Variants in LRMDA observed in about 807,000 individuals in gnomAD.
LRMDA encodes leucine rich melanocyte differentiation associated.
In LRMDA, 18 loss-of-function variants were observed where a neutral mutation model predicts 29.8. That is an observed-to-expected ratio of 0.60 (90% CI 0.42 to 0.90). LRMDA has a LOEUF of 0.90. Among genes scored for constraint, LRMDA ranks in the 40% least tolerant of loss-of-function variants. LRMDA has a pLI of 0.00. For synonymous variants in LRMDA, 125 were observed against 109.4 expected, an observed-to-expected ratio of 1.14 and a Z score of -0.89; for missense variants, 273 against 273.9, an observed-to-expected ratio of 1.00 and a Z score of 0.02.
At chr10:75,906,867 T>C (rs1845767378) in intron 2 of LRMDA, among the ~76,000 whole-genome samples, 1 of 140,114 alleles carries the variant, frequency 7.1e-6, no homozygotes, top group Non-Finnish European at 1.6e-5. Context: ...ATAAGTGGAC[T>C]TGGGGGTGCA....
At chr10:75,497,548 A>G (rs1388700869) in intron 2 of LRMDA, among the ~76,000 whole-genome samples, 1 of 151,752 alleles carries the variant, frequency 6.6e-6, no homozygotes, top group Non-Finnish European at 1.5e-5. Flanking sequence ...TCCAAACCCT[A>G]TCAAAGTGTA....
At chr10:76,524,092 A>C (rs1843149521) in intron 6 of LRMDA, among the ~76,000 whole-genome samples, 1 of 152,266 alleles carries the variant, frequency 6.6e-6, no homozygotes, top group African/African-American at 2.4e-5. Context: ...CAGGCACTGC[A>C]GTTGTTTGGA....
intron 5 of LRMDA, among the ~76,000 whole-genome samples, chr10:76,323,991 A>G (rs1377783686): frequency 6.6e-6 from 1 of 152,122 alleles, no homozygotes; most frequent in Non-Finnish European, 1.5e-5. Context: ...TTCCCCATTT[A>G]TCCTGGGGGC....
intron 2 of LRMDA, among the ~76,000 whole-genome samples, chr10:75,910,069 T>TC: frequency 6.6e-6 from 1 of 152,374 alleles, no homozygotes; most frequent in Admixed American, 6.5e-5. Flanking sequence ...GAGAAATGTA[T>TC]CATAGGAGAA....
intron 6 of LRMDA, among the ~76,000 whole-genome samples, chr10:76,535,465 T>C (rs1425844630): frequency 6.6e-6 from 1 of 152,170 alleles, no homozygotes; most frequent in Non-Finnish European, 1.5e-5. Flanking sequence ...AATGCTTAAA[T>C]AGGTCACTTA....
intron 5 of LRMDA, among the ~76,000 whole-genome samples, chr10:76,075,373 G>A (rs1481885321): frequency 6.6e-6 from 1 of 152,212 alleles, no homozygotes; most frequent in Non-Finnish European, 1.5e-5. Flanking sequence ...GGCAGCAAGA[G>A]AGTTGCCCTG....
intron 6 of LRMDA, among the ~76,000 whole-genome samples, chr10:76,529,455 T>G (rs1218429220): frequency 6.6e-6 from 1 of 152,240 alleles, no homozygotes; most frequent in East Asian, 1.9e-4. Flanking sequence ...GGTACAGATA[T>G]TGAGAGACAA....
intron 2 of LRMDA, among the ~76,000 whole-genome samples, chr10:75,569,318 T>C (rs189111280): frequency 9.8e-5 from 15 of 152,340 alleles, no homozygotes; most frequent in Admixed American, 9.1e-4. Flanking sequence ...AAAAAAGCAC[T>C]GGGTTTCCTA....
chr10:75,969,583 T>C (rs1026134593), intron 2 of LRMDA, among the ~76,000 whole-genome samples: 10 of 152,260 alleles, frequency 6.6e-5, no homozygotes, highest in African/African-American at 2.4e-4. Context: ...ACGCTTATTA[T>C]GATAATTTTG....
At chr10:75,593,804 T>C (rs1431294772) in intron 2 of LRMDA, among the ~76,000 whole-genome samples, 3 of 151,514 alleles carry the variant, frequency 2.0e-5, no homozygotes, top group Non-Finnish European at 4.4e-5. Flanking sequence ...GCCTTGCCCC[T>C]TGGGGGCGCC....
chr10:76,385,281 C>G (rs1387373398), intron 6 of LRMDA, among the ~76,000 whole-genome samples: 2 of 152,142 alleles, frequency 1.3e-5, no homozygotes, highest in Non-Finnish European at 2.9e-5. Flanking sequence ...CTTTTATGTA[C>G]CAATCGAGTG....
At chr10:76,244,655 G>A (rs1249840968) in intron 5 of LRMDA, among the ~76,000 whole-genome samples, 1 of 152,140 alleles carries the variant, frequency 6.6e-6, no homozygotes, top group African/African-American at 2.4e-5. Flanking sequence ...CCATGGAGAA[G>A]AGACAACACA....
intron 6 of LRMDA, among the ~76,000 whole-genome samples, chr10:76,516,036 C>A (rs766316272): frequency 5.9e-5 from 9 of 152,162 alleles, no homozygotes; most frequent in Non-Finnish European, 1.3e-4. Context: ...TTTGTTAGAT[C>A]TGGATCCTTG....
intron 2 of LRMDA, among the ~76,000 whole-genome samples, chr10:75,640,780 T>A (rs186472102): frequency 5.7e-4 from 87 of 152,072 alleles, no homozygotes; most frequent in African/African-American, 1.2e-3. Flanking sequence ...AGCTTTTTTT[T>A]AAACAAAACA....
At chr10:76,063,516 A>G (rs1444117431) in intron 5 of LRMDA, among the ~76,000 whole-genome samples, 3 of 151,604 alleles carry the variant, frequency 2.0e-5, no homozygotes, top group Non-Finnish European at 2.9e-5. Context: ...TAGCTTGTAT[A>G]TTTGTGTGTG....
intron 2 of LRMDA, among the ~76,000 whole-genome samples, chr10:75,449,648 C>CGTA (rs2132030225): frequency 6.6e-6 from 1 of 152,124 alleles, no homozygotes; most frequent in African/African-American, 2.4e-5. Context: ...ATAGCATTTC[C>CGTA]TGCTCTCTCC....
chr10:76,013,995 A>T lies in LRMDA; in HGVS notation c.132-22013A>T, dbSNP rs116943542. 4.2e-3 allele frequency among the ~76,000 whole-genome samples: 632 copies of T among 150,828 alleles called. 5 individuals are homozygous for T. The highest frequency in any genetic ancestry group is 8.0e-3 in the Admixed American group (121 of 15,126). On this transcript the variant is annotated intron_variant, in intron 2 of 6. Transcript: ENST00000611255. ...CCCAGCTCCCTTGTCCCTAACTGAG[A>T]TGTCACTGAGAAGTGATCCACATTA...
At chr10:75,513,778 G>T (rs1845256238) in intron 2 of LRMDA, among the ~76,000 whole-genome samples, 1 of 152,014 alleles carries the variant, frequency 6.6e-6, no homozygotes, top group African/African-American at 2.4e-5. Flanking sequence ...AACGAGCCTT[G>T]TGATTACACT....
chr10:76,359,815 C>A (rs1841289235), intron 6 of LRMDA, among the ~76,000 whole-genome samples: 1 of 152,102 alleles, frequency 6.6e-6, no homozygotes, highest in Non-Finnish European at 1.5e-5. Flanking sequence ...CTATGAAAAT[C>A]AATTTTGGAT....
Sources: gnomAD v4.1 joint callset for allele counts (sites outside exome capture counted in the v4.1 genomes callset) on GRCh38, gnomAD v4.1.1 for gene constraint, MANE v1.5 for transcripts, NCBI Gene and HGNC (gene_info 2026-07-23, HGNC 2026-07-21) for gene names.